DDX1: variants seen among roughly 807,000 people sequenced by gnomAD.
DDX1 encodes the protein DEAD-box helicase 1, also known as ATP-dependent RNA helicase DDX1.
DDX1 carries 28 observed loss-of-function variants against 108.7 expected under a neutral mutation model. That is an observed-to-expected ratio of 0.26 (90% CI 0.19 to 0.35). The LOEUF (loss-of-function observed/expected upper bound fraction) is 0.35. Ranked by LOEUF, DDX1 falls within the 10% of genes least tolerant of loss-of-function variation. The pLI is 1.00. For synonymous variants in DDX1, 295 were observed against 288.9 expected, an observed-to-expected ratio of 1.02 and a Z score of -0.21; for missense variants, 710 against 884.5, an observed-to-expected ratio of 0.80 and a Z score of 2.50.
chr2:15,610,133 T>C (rs1665728408), intron 13 of DDX1, among the ~76,000 whole-genome samples: 1 of 152,176 alleles, frequency 6.6e-6, no homozygotes. Context: ...GGTCTTGCTA[T>C]GTTGTGCAGG....
chr2:15,595,696 A>G (rs1170741267), intron 3 of DDX1, 143 bp downstream of exon 3: 1 of 638,624 alleles, frequency 1.6e-6, no homozygotes, highest in Non-Finnish European at 2.8e-6. Context: ...AGCTTCAAAC[A>G]GGTAAGTATT....
chr2:15,604,775 GAAGGA>G (rs1440568111), intron 10 of DDX1, among the ~76,000 whole-genome samples: 6 of 152,228 alleles, frequency 3.9e-5, no homozygotes, highest in Admixed American at 6.5e-5. Context: ...TAAGTGCTGT[GAAGGA>G]GGGTATAAAG....
chr2:15,625,573 A>T (rs1429469396), intron 19 of DDX1, among the ~76,000 whole-genome samples: 1 of 152,168 alleles, frequency 6.6e-6, no homozygotes, highest in African/African-American at 2.4e-5. Context: ...GTATAGGTAG[A>T]TATGTGGTTA....
intron 13 of DDX1, among the ~76,000 whole-genome samples, chr2:15,610,952 C>G (rs1270039491): frequency 2.0e-5 from 3 of 149,888 alleles, no homozygotes; most frequent in East Asian, 3.9e-4. Context: ...GGCAGGGTCA[C>G]AGGACAATAG....
intron 2 of DDX1, 34 bp from the exon 3 acceptor site, chr2:15,595,456 A>G: frequency 1.9e-6 from 3 of 1,563,522 alleles, no homozygotes; most frequent in East Asian, 2.2e-5. Context: ...TTTTTTCCCC[A>G]GTAACTAAAA....
intron 24 of DDX1, 97 bp downstream of exon 24, chr2:15,629,794 C>T: frequency 9.1e-7 from 1 of 1,098,250 alleles, no homozygotes; most frequent in East Asian, 2.6e-5. Context: ...ATCTGTTTGT[C>T]ACTTATAAGG....
intron 14 of DDX1, among the ~76,000 whole-genome samples, chr2:15,616,707 G>A (rs1320062902): frequency 6.6e-6 from 1 of 152,184 alleles, no homozygotes; most frequent in South Asian, 2.1e-4. Flanking sequence ...AACTATTACT[G>A]TTTTCCTGGA....
In DDX1 at chr2:15,595,681, G is replaced by A. The variant is rs981959045; in HGVS notation, c.132+128G>A. ...ACATATACTGTATTCAGACTATTAG[G>A]TAAAAGCTTCAAACAGGTAAGTATT... On this transcript the variant is annotated intron_variant, in intron 3 of 25. Coordinates refer to ENST00000233084, the MANE Select transcript of DDX1 (RefSeq NM_004939.3). 4.4e-6 allele frequency: 3 copies of A among 688,938 alleles called. No individual in the cohort carries two copies. The African/African-American group carries it at 5.4e-5, about 12-fold the overall frequency. The allele number at this position is 688,938 out of a possible 1,614,324, so 42.7% of individuals were successfully genotyped here.
chr2:15,617,168 A>G (rs901986635), intron 14 of DDX1, 76 bp from the exon 15 acceptor site: 180 of 614,994 alleles, frequency 2.9e-4, no homozygotes, highest in Non-Finnish European at 4.7e-4. Flanking sequence ...TTAAAAAGAC[A>G]GTTATTGGTT....
intron 13 of DDX1, 83 bp from the exon 14 acceptor site, chr2:15,613,141 A>T: frequency 2.1e-6 from 2 of 936,510 alleles, no homozygotes; most frequent in Non-Finnish European, 1.6e-6. Context: ...ATTTCCACCT[A>T]AAATAAATGG....
At chr2:15,609,611 G>T (rs181922289) in intron 13 of DDX1, among the ~76,000 whole-genome samples, 39 of 152,322 alleles carry the variant, frequency 2.6e-4, no homozygotes, top group Admixed American at 2.4e-3. Context: ...TGCAGGGGTG[G>T]TTCTTTTATA....
At chr2:15,612,867 C>T (rs1388294950) in intron 13 of DDX1, among the ~76,000 whole-genome samples, 4 of 151,780 alleles carry the variant, frequency 2.6e-5, no homozygotes, top group African/African-American at 4.8e-5. Context: ...ACCAGTCAGG[C>T]GTGGTGGCGC....
chr2:15,628,878 T>C, intron 23 of DDX1, 39 bp downstream of exon 23: 1 of 1,575,996 alleles, frequency 6.3e-7, no homozygotes, highest in East Asian at 2.2e-5. Flanking sequence ...ATTGTGTGTG[T>C]TGTGATTTTA....
In DDX1 at chr2:15,602,007, C is replaced by A. The variant is rs138319873; in HGVS notation, c.308-541C>A. The stretch of plus-strand genomic sequence containing the variant: ...ACAAATACATGCTTATTTATTCATG[C>A]TTTCTCCTAGTTTCCCATATGGTTT... On this transcript the variant is annotated intron_variant, in intron 6 of 25. Coordinates refer to ENST00000233084, the MANE Select transcript of DDX1 (RefSeq NM_004939.3). Among the ~76,000 whole-genome samples, 379 of 152,288 alleles carry A rather than the reference C, an allele frequency of 2.5e-3. 1 individual carries two copies. Among genetic ancestry groups the A allele is most frequent in the African/African-American group, 8.7e-3 (362 of 41,558 alleles).
rs368608181 is a variant in DDX1 at position 15,623,473 on chromosome 2, G to A, written c.1485G>A (p.Glu495=). ...AAGCTATTAAAATCCTGAAAGGGGAGTATGCTGTCCGGGCAATCAAGGAAC... is the reference window on the plus strand; with the variant it reads ...AAGCTATTAAAATCCTGAAAGGGGAATATGCTGTCCGGGCAATCAAGGAAC... ...WSEAIKILKG[E]YAVRAIKEHK... is the part of the protein sequence containing the mutation. Residue 495 remains glutamate (E), a synonymous_variant, in exon 19 of 26, where the codon GAG becomes GAA. Transcript: ENST00000233084. 1.9e-6 allele frequency: 3 copies of A among 1,613,560 alleles called. No individual in the cohort carries two copies. Among genetic ancestry groups the A allele is most frequent in the Non-Finnish European group, 2.5e-6 (3 of 1,179,662 alleles).
intron 13 of DDX1, among the ~76,000 whole-genome samples, chr2:15,611,749 C>A (rs1415867049): frequency 1.1e-4 from 10 of 93,202 alleles, no homozygotes; most frequent in African/African-American, 5.0e-4. Context: ...CTGACCCCCC[C>A]ACCTCCCTCC....
chr2:15,599,622 A>T, intron 5 of DDX1, 47 bp from the exon 6 acceptor site: 1 of 1,493,794 alleles, frequency 6.7e-7, no homozygotes, highest in Non-Finnish European at 9.2e-7. Flanking sequence ...CAAGCATTTT[A>T]AATTTTATAT....
intron 3 of DDX1, 145 bp from the exon 4 acceptor site, chr2:15,596,589 G>T: frequency 1.5e-6 from 1 of 650,858 alleles, no homozygotes. Flanking sequence ...AGTTGGAGTT[G>T]ACAGAGGAAC....
intron 5 of DDX1, among the ~76,000 whole-genome samples, chr2:15,598,795 A>G (rs1665540617): frequency 6.6e-6 from 1 of 152,230 alleles, no homozygotes; most frequent in Admixed American, 6.5e-5. Context: ...CTTTATTACA[A>G]TTCTTAGTTT....
Sources: gnomAD v4.1 joint callset for allele counts (sites outside exome capture counted in the v4.1 genomes callset) on GRCh38, gnomAD v4.1.1 for gene constraint, MANE v1.5 for transcripts, NCBI Gene and HGNC (gene_info 2026-07-23, HGNC 2026-07-21) for gene names.